Variants in COBL observed in about 807,000 individuals in gnomAD.
COBL encodes protein cordon-bleu.
A neutral mutation model predicts 98.8 loss-of-function variants in COBL; 51 were observed. The observed-to-expected ratio is 0.52, with a 90% CI of 0.41 to 0.65. COBL has a LOEUF of 0.65. Ranked by LOEUF, COBL falls within the 30% of genes least tolerant of loss-of-function variation. The pLI is 0.00. For missense variants in COBL, 1,617 were observed against 1,617.5 expected (o/e 1.00, Z 0.01); for synonymous variants, 634 against 651.7 (o/e 0.97, Z 0.41).
In COBL at chr7:51,259,627, C is replaced by T; in HGVS notation, c.42-39683G>A. 2.7e-6 allele frequency: 2 copies of T among 729,026 alleles called. 1 individual carries two copies. The highest frequency in any genetic ancestry group is 2.8e-5 in the South Asian group (2 of 71,154). The allele number at this position is 729,026 out of a possible 1,614,324, so 45.2% of individuals were successfully genotyped here. On this transcript the variant is annotated intron_variant, in intron 1 of 12. Transcript: ENST00000265136. ...TGAATGAGGTCTTCCAAGCAAATGA[C>T]ACCAAAATTCCCCTGGTGCTCCTCA...
At chr7:51,186,191 A>G (rs895007758) in intron 4 of COBL, among the ~76,000 whole-genome samples, 25 of 152,368 alleles carry the variant, frequency 1.6e-4, no homozygotes, top group African/African-American at 6.0e-4. Context: ...GTTTATAACC[A>G]AGGATGTTTC....
chr7:51,147,731 A>G (rs1300973382), intron 5 of COBL, among the ~76,000 whole-genome samples: 1 of 151,914 alleles, frequency 6.6e-6, no homozygotes, highest in Non-Finnish European at 1.5e-5. Flanking sequence ...CTAAGAACAT[A>G]AAGTACGTTG....
intron 1 of COBL, among the ~76,000 whole-genome samples, chr7:51,313,742 C>T (rs934549276): frequency 6.6e-6 from 1 of 152,310 alleles, no homozygotes; most frequent in East Asian, 1.9e-4. Context: ...CTGTAACAGC[C>T]GACTACTGGG....
intron 1 of COBL, chr7:51,259,768 C>G: frequency 1.3e-6 from 1 of 748,524 alleles, no homozygotes; most frequent in Non-Finnish European, 2.4e-6. Flanking sequence ...CATAAGTTTC[C>G]ACTATGGGCA....
chr7:51,141,633 CTT>C (rs57941852), intron 5 of COBL, among the ~76,000 whole-genome samples: 19 of 142,470 alleles, frequency 1.3e-4, no homozygotes, highest in South Asian at 4.5e-4. Flanking sequence ...GGCTTTACAA[CTT>C]TTTTTTTTTT....
At chr7:51,150,782 G>A (rs1785480191) in intron 5 of COBL, among the ~76,000 whole-genome samples, 1 of 152,184 alleles carries the variant, frequency 6.6e-6, no homozygotes, top group South Asian at 2.1e-4. Context: ...AACTCAAAGG[G>A]AAGTGTCTGC....
intron 8 of COBL, chr7:51,032,781 T>A (rs892422236): frequency 6.6e-6 from 1 of 151,480 alleles, no homozygotes; most frequent in African/African-American, 2.4e-5. Flanking sequence ...GTTCTGCTTT[T>A]CTCTTTCATG....
At chr7:51,147,556 A>G (rs191835377) in intron 5 of COBL, among the ~76,000 whole-genome samples, 7 of 152,200 alleles carry the variant, frequency 4.6e-5, no homozygotes, top group Non-Finnish European at 7.4e-5. Context: ...AGAACTTTTT[A>G]AAAGAGCAAA....
intron 2 of COBL, among the ~76,000 whole-genome samples, chr7:51,219,097 G>A (rs960639349): frequency 3.9e-5 from 6 of 152,160 alleles, no homozygotes; most frequent in Non-Finnish European, 8.8e-5. Flanking sequence ...CTATGATGAA[G>A]GAGACTTTGC....
At chr7:51,305,250 G>T (rs966981137) in intron 1 of COBL, among the ~76,000 whole-genome samples, 1 of 152,192 alleles carries the variant, frequency 6.6e-6, no homozygotes, top group African/African-American at 2.4e-5. Context: ...CTAGGCACAT[G>T]GGTAAATCAT....
At chr7:51,018,906 ATAT>A (rs1266941012) in intron 12 of COBL, among the ~76,000 whole-genome samples, 34 of 33,784 alleles carry the variant, frequency 1.0e-3, no homozygotes, top group Admixed American at 2.5e-3. Context: ...AAAAAAAAAA[ATAT>A]ATATATATAT....
chr7:51,187,561 T>A (rs942791158), intron 4 of COBL, among the ~76,000 whole-genome samples: 1 of 152,148 alleles, frequency 6.6e-6, no homozygotes, highest in African/African-American at 2.4e-5. Context: ...CAGGTAAGCA[T>A]GGGCAGGCAG....
At chr7:51,220,645 C>T (rs1793543298) in intron 1 of COBL, among the ~76,000 whole-genome samples, 1 of 152,138 alleles carries the variant, frequency 6.6e-6, no homozygotes, top group Admixed American at 6.5e-5. Flanking sequence ...CACTGAGGAA[C>T]ATTTTCTTTT....
chr7:51,054,354 A>G (rs1373491098), intron 7 of COBL, among the ~76,000 whole-genome samples: 4 of 151,974 alleles, frequency 2.6e-5, no homozygotes, highest in Non-Finnish European at 5.9e-5. Context: ...TGAGATTTCC[A>G]CTGGGTTGGC....
chr7:51,142,089 C>A (rs770760711), intron 5 of COBL, among the ~76,000 whole-genome samples: 13 of 152,158 alleles, frequency 8.5e-5, no homozygotes, highest in African/African-American at 1.4e-4. Context: ...ATGAAGCATG[C>A]CAGCTTCATG....
Position 51,028,966 on chromosome 7 carries a change from G to C in COBL, c.2130C>G (p.Ile710Met), listed in dbSNP as rs1165151334. The C allele has an allele frequency of 3.7e-6, 6 of 1,614,090 alleles. No homozygotes were observed. In the African/African-American group the frequency reaches 8.0e-5, roughly 22 times the overall value. Reference protein sequence around the residue: ...RLKHGLTTYKIIPPKSEMRCY... With the variant: ...RLKHGLTTYKMIPPKSEMRCY... ...ATCGCATCTCTGACTTTGGAGGAAT[G>C]ATTTTATACGTTGTGAGGCCGTGCT... The change falls in exon 10 of 13, where the codon ATC becomes ATG. Residue 710 changes from isoleucine to methionine, a missense_variant. Ile to Met is a conservative substitution (Grantham distance 10). Transcript: ENST00000265136.
chr7:51,285,267 TAC>T (rs1800243869), intron 1 of COBL, among the ~76,000 whole-genome samples: 2 of 151,974 alleles, frequency 1.3e-5, no homozygotes, highest in Admixed American at 1.3e-4. Flanking sequence ...ACTGGAAATC[TAC>T]ACTGTACAAT....
intron 2 of COBL, among the ~76,000 whole-genome samples, chr7:51,206,115 T>A (rs1428438964): frequency 6.6e-6 from 1 of 152,238 alleles, no homozygotes; most frequent in Non-Finnish European, 1.5e-5. Flanking sequence ...ACAGCCATTA[T>A]GGAAAACAGT....
chr7:51,176,484 T>C (rs1214451423), intron 5 of COBL, among the ~76,000 whole-genome samples: 1 of 152,150 alleles, frequency 6.6e-6, no homozygotes, highest in African/African-American at 2.4e-5. Flanking sequence ...AGTTTCTCAG[T>C]TGATTGAATC....
Sources: allele counts gnomAD v4.1 joint callset (sites outside exome capture counted in the v4.1 genomes callset), GRCh38; gene constraint gnomAD v4.1.1; transcripts MANE v1.5; gene names NCBI Gene and HGNC (gene_info 2026-07-23, HGNC 2026-07-21).